The following PPP1R13B variants were observed in gnomAD, a reference collection of about 807,000 sequenced individuals.
The protein encoded by PPP1R13B is protein phosphatase 1 regulatory subunit 13B, also known as apoptosis-stimulating of p53 protein 1.
Under a neutral mutation model 119.8 loss-of-function variants are expected in PPP1R13B, and 44 were observed. That is an observed-to-expected ratio of 0.37 (90% CI 0.29 to 0.47). The LOEUF is 0.47. Among genes scored for constraint, PPP1R13B ranks in the 20% least tolerant of loss-of-function variants. PPP1R13B has a pLI of 0.99. For missense variants in PPP1R13B, 1,227 were observed against 1,413.5 expected, an observed-to-expected ratio of 0.87 and a Z score of 2.12; for synonymous variants, 542 against 561.5, an observed-to-expected ratio of 0.97 and a Z score of 0.49.
intron 1 of PPP1R13B, among the ~76,000 whole-genome samples, chr14:103,831,921 G>C (rs1169801278): frequency 6.6e-6 from 1 of 151,776 alleles, no homozygotes; most frequent in Admixed American, 6.6e-5. Context: ...GGGTGACAGA[G>C]CAAGAATCCA....
intron 1 of PPP1R13B, among the ~76,000 whole-genome samples, chr14:103,798,287 G>A (rs1345372367): frequency 6.6e-6 from 1 of 151,560 alleles, no homozygotes; most frequent in South Asian, 2.1e-4. Context: ...GAGTAGCTGG[G>A]ACTACAGGCG....
intron 4 of PPP1R13B, among the ~76,000 whole-genome samples, chr14:103,758,160 A>C (rs2084721428): frequency 6.6e-6 from 1 of 152,234 alleles, no homozygotes; most frequent in Non-Finnish European, 1.5e-5. Flanking sequence ...ACCTGATCTC[A>C]GGAAATGAAA....
In PPP1R13B at chr14:103,847,518, GGCC is replaced by G. The variant is rs891656496; in HGVS notation, c.-214_-212del. 43 of 984,446 alleles carry G rather than the reference GGCC, an allele frequency of 4.4e-5. No individual in the cohort carries two copies. The highest frequency in any genetic ancestry group is 5.2e-4 in the Middle Eastern group (1 of 1,918). 61.0% of individuals were successfully genotyped at this position (984,446 alleles called of 1,614,324 possible). A position where few individuals can be genotyped will look rare whatever the true frequency, so the allele number is the denominator to read the frequency against. ...CGCTGCGTCGCTGTCCCGGGCACCC[GGCC>G]GCCGCCGCCGCCGCCTCAACCTCAG... On this transcript the variant is annotated 5_prime_UTR_variant, in exon 1 of 17. Transcript: ENST00000202556.
intron 12 of PPP1R13B, 66 bp downstream of exon 12, chr14:103,739,757 GA>G: frequency 6.7e-7 from 1 of 1,483,572 alleles, no homozygotes. Context: ...CCAAGGGAAG[GA>G]CCCCAGAGGT....
intron 3 of PPP1R13B, among the ~76,000 whole-genome samples, chr14:103,780,598 A>C (rs888684113): frequency 4.0e-5 from 6 of 150,504 alleles, no homozygotes; most frequent in Non-Finnish European, 7.4e-5. Context: ...GCAGATCATG[A>C]GGTCAGGAGA....
At chr14:103,773,410 T>C (rs1854176118) in intron 4 of PPP1R13B, among the ~76,000 whole-genome samples, 1 of 152,110 alleles carries the variant, frequency 6.6e-6, no homozygotes, top group Non-Finnish European at 1.5e-5. Context: ...CAAAGCCCAA[T>C]AGGGAAATTA....
chr14:103,735,744 G>A lies in PPP1R13B; in HGVS notation c.3231+259C>T, dbSNP rs143368922. On this transcript the variant is annotated intron_variant, in intron 16 of 16. Transcript: ENST00000202556. ...CACTTGGTGAAGTTCATCATGAACC[G>A]AGCTCATTGAGCGGCCCCTCACTGG... 7.7e-4 allele frequency among the ~76,000 whole-genome samples: 118 copies of A among 152,308 alleles called. 1 individual carries two copies. The East Asian group carries it at 0.01, about 13-fold the overall frequency.
At chr14:103,737,546 A>G in intron 15 of PPP1R13B, 148 bp downstream of exon 15, 1 of 1,066,222 alleles carries the variant, frequency 9.4e-7, no homozygotes, top group Non-Finnish European at 1.3e-6. Flanking sequence ...ATTGCACTCC[A>G]GCCTGGGTGA....
rs1595724248 is a variant in PPP1R13B at position 103,751,329 on chromosome 14, G to T, written c.829-1395C>A. Among the ~76,000 whole-genome samples the T allele has an allele frequency of 3.3e-5, 5 of 152,208 alleles. No homozygotes were observed. The South Asian group carries it at 1.0e-3, about 32-fold the overall frequency. On this transcript the variant is annotated intron_variant, in intron 7 of 16. Coordinates refer to ENST00000202556, the MANE Select transcript of PPP1R13B (RefSeq NM_015316.3). ...AGTCATGAAACCTTATAATACTGTA[G>T]TACTTCTATGCATTTACGTTAAAGA...
At chr14:103,836,168 C>G (rs149364051) in intron 1 of PPP1R13B, among the ~76,000 whole-genome samples, 1 of 151,798 alleles carries the variant, frequency 6.6e-6, no homozygotes, top group Non-Finnish European at 1.5e-5. Context: ...GCCTCACCCT[C>G]CCAAATAGCT....
At chr14:103,754,676 A>C (rs1236232656) in intron 5 of PPP1R13B, among the ~76,000 whole-genome samples, 1 of 152,246 alleles carries the variant, frequency 6.6e-6, no homozygotes, top group East Asian at 1.9e-4. Context: ...CTAAAACACT[A>C]GAGGAATCTT....
chr14:103,766,987 A>G (rs910204839), intron 4 of PPP1R13B, among the ~76,000 whole-genome samples: 1 of 152,192 alleles, frequency 6.6e-6, no homozygotes, highest in African/African-American at 2.4e-5. Context: ...TAAAGGCAAT[A>G]ATGAGAACTC....
chr14:103,764,392 G>A (rs1056840390), intron 4 of PPP1R13B: 8 of 260,478 alleles, frequency 3.1e-5, no homozygotes, highest in African/African-American at 1.4e-4. Context: ...TTAGCCACTT[G>A]TCTCTCTTCT....
intron 11 of PPP1R13B, 35 bp downstream of exon 11, chr14:103,741,755 A>T: frequency 6.4e-7 from 1 of 1,569,406 alleles, no homozygotes; most frequent in South Asian, 1.2e-5. Context: ...ATAATTTCCT[A>T]GCCCCAAGAA....
At chr14:103,838,179 T>A (rs1197597102) in intron 1 of PPP1R13B, among the ~76,000 whole-genome samples, 1 of 151,140 alleles carries the variant, frequency 6.6e-6, no homozygotes, top group Non-Finnish European at 1.5e-5. Flanking sequence ...TTTCTGATCA[T>A]CTCTACAGGA....
At chr14:103,829,708 C>T (rs2086625989) in intron 1 of PPP1R13B, among the ~76,000 whole-genome samples, 1 of 152,210 alleles carries the variant, frequency 6.6e-6, no homozygotes, top group Admixed American at 6.5e-5. Context: ...CTCCTGGGCT[C>T]AGGCATTTCT....
intron 1 of PPP1R13B, among the ~76,000 whole-genome samples, chr14:103,824,476 A>G (rs12893623): frequency 0.29 from 43,810 of 150,986 alleles, 6,838 homozygotes; most frequent in Non-Finnish European, 0.34. Context: ...TGGGCGGATC[A>G]CGAGGTCAGG....
chr14:103,833,959 G>A (rs999053966), intron 1 of PPP1R13B, among the ~76,000 whole-genome samples: 2 of 152,228 alleles, frequency 1.3e-5, no homozygotes, highest in African/African-American at 4.8e-5. Context: ...GCAAGTACAT[G>A]TTAAATGCCT....
At position 103,733,828 on chromosome 14, in the gene PPP1R13B, G is replaced by A. The variant is rs1240327165; in HGVS notation, c.*1326C>T. On this transcript the variant is annotated 3_prime_UTR_variant, in exon 17 of 17. Transcript: ENST00000202556. ...GGGCTGGCAGCGGCCATGCTCCTGT[G>A]GTCGGGCTGCTCTACAAGGGCGTTC... The A allele has an allele frequency of 6.6e-6, 1 of 152,310 alleles. No homozygotes were observed. The highest frequency in any genetic ancestry group is 2.4e-5 in the African/African-American group (1 of 41,418). The allele number at this position is 152,310 out of a possible 1,614,324, so 9.4% of individuals were successfully genotyped here. A position where few individuals can be genotyped will look rare whatever the true frequency, so the allele number is the denominator to read the frequency against.
Sources: gnomAD v4.1 joint callset for allele counts (sites outside exome capture counted in the v4.1 genomes callset) on GRCh38, gnomAD v4.1.1 for gene constraint, MANE v1.5 for transcripts, NCBI Gene and HGNC (gene_info 2026-07-23, HGNC 2026-07-21) for gene names.